The following AOX1 variants were observed in gnomAD, a reference collection of about 807,000 sequenced individuals.
AOX1 encodes aldehyde oxidase 1.
Under a neutral mutation model 169.5 loss-of-function variants are expected in AOX1, and 153 were observed. The observed-to-expected ratio is 0.90, with a 90% CI of 0.79 to 1.03. AOX1 has a LOEUF of 1.03. AOX1 is among the 50% of genes least tolerant of loss of function. AOX1 has a pLI of 0.00. For synonymous variants in AOX1, 562 were observed against 581.9 expected (o/e 0.97, Z 0.49); for missense variants, 1,656 against 1,663.9 (o/e 1.00, Z 0.08).
At position 200,668,820 on chromosome 2, in the gene AOX1, G is replaced by A. The variant is rs2035973697; in HGVS notation, c.3798+17G>A. ...TCATCTAAGGTAAGTAATGTTCTAT[G>A]GGTAAATATGCATGTTTATATGATA... is the stretch of plus-strand genomic sequence containing the variant. On this transcript the variant is annotated intron_variant, in intron 33 of 34. Coordinates refer to ENST00000374700, the MANE Select transcript of AOX1 (RefSeq NM_001159.4). 2 of 1,604,332 alleles carry A rather than the reference G, an allele frequency of 1.2e-6. No individual in the cohort carries two copies. The highest frequency in any genetic ancestry group is 1.7e-6 in the Non-Finnish European group (2 of 1,172,280).
At chr2:200,606,623 G>A (rs2034521054) in intron 10 of AOX1, among the ~76,000 whole-genome samples, 1 of 152,186 alleles carries the variant, frequency 6.6e-6, no homozygotes, top group South Asian at 2.1e-4. Context: ...AGCATGGAAT[G>A]TTTCTCCATT....
chr2:200,658,521 A>G (rs562504691), intron 27 of AOX1, among the ~76,000 whole-genome samples: 3 of 152,338 alleles, frequency 2.0e-5, no homozygotes, highest in African/African-American at 7.2e-5. Context: ...GTGTCCTTGT[A>G]GAAGCTGTGG....
chr2:200,602,360 C>A lies in AOX1; in HGVS notation c.498+15C>A. 1 of 1,610,660 alleles carries A rather than the reference C, an allele frequency of 6.2e-7. No homozygotes were observed. The highest frequency in any genetic ancestry group is 1.1e-5 in the South Asian group (1 of 90,820). On this transcript the variant is annotated intron_variant, in intron 6 of 34. Transcript: ENST00000374700. ...CTTTCTGTAAAGTAAGTGGAAAGGA[C>A]CACATGTTTGAGTATGTTTTCCCCA...
intron 4 of AOX1, among the ~76,000 whole-genome samples, chr2:200,676,614 A>AAAGAAGAAG (rs1231282657): frequency 6.7e-6 from 1 of 148,462 alleles, no homozygotes; most frequent in Non-Finnish European, 1.5e-5. Flanking sequence ...AAAAAAAAAA[A>AAAGAAGAAG]AAGAAGAAGA....
At chr2:200,648,276 G>T (rs576714980) in intron 25 of AOX1, among the ~76,000 whole-genome samples, 13 of 152,178 alleles carry the variant, frequency 8.5e-5, no homozygotes, top group Non-Finnish European at 1.2e-4. Context: ...TTGTCCCATG[G>T]AATGTTCCCT....
At chr2:200,622,721 T>C (rs1391999479) in intron 18 of AOX1, among the ~76,000 whole-genome samples, 2 of 152,226 alleles carry the variant, frequency 1.3e-5, no homozygotes, top group African/African-American at 2.4e-5. Context: ...GCCACATCTA[T>C]GTGCCAGGTC....
At chr2:200,635,169 T>C (rs913336576) in intron 21 of AOX1, among the ~76,000 whole-genome samples, 1 of 152,122 alleles carries the variant, frequency 6.6e-6, no homozygotes, top group African/African-American at 2.4e-5. Flanking sequence ...ACTGAAGAAA[T>C]ATTGAGTATT....
intron 28 of AOX1, among the ~76,000 whole-genome samples, chr2:200,659,585 T>G (rs989680892): frequency 1.3e-5 from 2 of 152,188 alleles, no homozygotes; most frequent in South Asian, 4.1e-4. Flanking sequence ...GGCTCGCGCC[T>G]CTCCCCAGGG....
At chr2:200,663,545 A>ACAC (rs2035867351) in intron 31 of AOX1, among the ~76,000 whole-genome samples, 78 of 117,788 alleles carry the variant, frequency 6.6e-4, no homozygotes, top group East Asian at 2.1e-3. Flanking sequence ...CATACACACA[A>ACAC]ACACACACAC....
At chr2:200,630,266 T>TA (rs1250123830) in intron 20 of AOX1, among the ~76,000 whole-genome samples, 1 of 147,934 alleles carries the variant, frequency 6.8e-6, no homozygotes, top group Non-Finnish European at 1.5e-5. Flanking sequence ...CTCTTGCCTG[T>TA]AATCCCAGAA....
chr2:200,629,863 C>T (rs982622609), intron 20 of AOX1, among the ~76,000 whole-genome samples: 2 of 151,912 alleles, frequency 1.3e-5, no homozygotes, highest in African/African-American at 4.8e-5. Context: ...TTTAGTCTGC[C>T]TCTTACTTGA....
chr2:200,640,344 C>T (rs2035330061), intron 23 of AOX1, among the ~76,000 whole-genome samples: 2 of 152,012 alleles, frequency 1.3e-5, no homozygotes, highest in Admixed American at 1.3e-4. Flanking sequence ...AACACAGATG[C>T]TTTGGGGAGG....
chr2:200,619,352 A>G (rs1015426136), intron 16 of AOX1, among the ~76,000 whole-genome samples: 1 of 152,186 alleles, frequency 6.6e-6, no homozygotes, highest in African/African-American at 2.4e-5. Flanking sequence ...CAACCTGGCC[A>G]ACATGACTGC....
At chr2:200,634,939 G>A (rs1211230712) in intron 21 of AOX1, 24 bp downstream of exon 21, 4 of 1,609,206 alleles carry the variant, frequency 2.5e-6, no homozygotes, top group Non-Finnish European at 3.4e-6. Flanking sequence ...ATTGTGGAGA[G>A]GACATGGCTA....
At chr2:200,653,269 G>C (rs1056102055) in intron 26 of AOX1, among the ~76,000 whole-genome samples, 1 of 152,192 alleles carries the variant, frequency 6.6e-6, no homozygotes, top group African/African-American at 2.4e-5. Flanking sequence ...ACCAACTTAC[G>C]TGCTGAAAAT....
Position 200,627,234 on chromosome 2 carries a change from G to A in AOX1, c.2125-119G>A, listed in dbSNP as rs376708772. The A allele has an allele frequency of 2.7e-4, 181 of 682,104 alleles. 1 individual carries two copies. Among genetic ancestry groups the A allele is most frequent in the African/African-American group, 2.6e-3 (148 of 55,862 alleles). The allele number at this position is 682,104 out of a possible 1,614,324, so 42.3% of individuals were successfully genotyped here. Reference sequence around the variant, plus strand: ...CACCAGGGTCATGGTGAAAGTGCACGGAACCACAAGGTGAAGGGAGAAACA... The same window carrying A: ...CACCAGGGTCATGGTGAAAGTGCACAGAACCACAAGGTGAAGGGAGAAACA... On this transcript the variant is annotated intron_variant, in intron 19 of 34. Transcript: ENST00000374700.
chr2:200,592,061 A>G (rs1181231634), intron 1 of AOX1, among the ~76,000 whole-genome samples: 1 of 152,176 alleles, frequency 6.6e-6, no homozygotes, highest in Non-Finnish European at 1.5e-5. Flanking sequence ...AAAAGAAGGG[A>G]AGGAGTAAGT....
chr2:200,625,961 G>A (rs1289287940), intron 19 of AOX1, among the ~76,000 whole-genome samples: 1 of 152,054 alleles, frequency 6.6e-6, no homozygotes, highest in Non-Finnish European at 1.5e-5. Flanking sequence ...TGAATCAAGG[G>A]GTAAGGCTGA....
At chr2:200,595,219 T>G (rs902298938) in intron 2 of AOX1, 53 bp from the exon 3 acceptor site, 2 of 1,425,932 alleles carry the variant, frequency 1.4e-6, no homozygotes, top group African/African-American at 2.8e-5. Context: ...GGCAGGGCTA[T>G]TCTAGAAAGA....
Sources: gnomAD v4.1 joint callset for allele counts (sites outside exome capture counted in the v4.1 genomes callset) on GRCh38, gnomAD v4.1.1 for gene constraint, MANE v1.5 for transcripts, NCBI Gene and HGNC (gene_info 2026-07-23, HGNC 2026-07-21) for gene names.